Variants in INTS3 observed in about 807,000 individuals in gnomAD.
The protein encoded by INTS3 is SOSS complex subunit A.
Under a neutral mutation model 146.3 loss-of-function variants are expected in INTS3, and 34 were observed. The ratio of observed to expected loss-of-function variants is 0.23; its 90% CI spans 0.18 to 0.31. INTS3 has a LOEUF of 0.31. Ranked by LOEUF, INTS3 falls within the 10% of genes least tolerant of loss-of-function variation. The pLI, the probability that INTS3 is intolerant of heterozygous loss-of-function variation, is 1.00. For missense variants in INTS3, 757 were observed against 1,304.2 expected (o/e 0.58, Z 6.46); for synonymous variants, 475 against 494.9 (o/e 0.96, Z 0.53).
At chr1:153,730,700 C>CA (rs1671029187) in intron 1 of INTS3, among the ~76,000 whole-genome samples, 1 of 152,118 alleles carries the variant, frequency 6.6e-6, no homozygotes, top group Non-Finnish European at 1.5e-5. Context: ...AGTGAACTTC[C>CA]AACTGTTTCC....
In INTS3 at chr1:153,773,361, A is replaced by AAAC; in HGVS notation, c.*93_*95dup. 8.1e-7 allele frequency: 1 copy of AAAC among 1,230,700 alleles called. No homozygotes were observed. The highest frequency in any genetic ancestry group is 1.2e-6 in the Non-Finnish European group (1 of 833,594). The allele number at this position is 1,230,700 out of a possible 1,614,324, so 76.2% of individuals were successfully genotyped here. On this transcript the variant is annotated 3_prime_UTR_variant, in exon 30 of 30. Transcript: ENST00000318967. ...ATAGAGGCTGAGGAGATTGCAGGGG[A>AAAC]AACACCCTTGCTGCATCCCCAAGCT... is the stretch of plus-strand genomic sequence containing the variant.
At chr1:153,762,972 G>T (rs1672441070) in intron 15 of INTS3, 125 bp downstream of exon 15, 2 of 1,285,432 alleles carry the variant, frequency 1.6e-6, no homozygotes, top group East Asian at 2.3e-5. Flanking sequence ...TGTTCACAGG[G>T]TATCTGGATG....
At position 153,731,577 on chromosome 1, in the gene INTS3, C is replaced by CTTTTTT. The variant is rs1491428244; in HGVS notation, c.150+2794_150+2795insTTTTTT. Among the ~76,000 whole-genome samples, 26 of 129,256 alleles carry CTTTTTT rather than the reference C, an allele frequency of 2.0e-4. 7 individuals are homozygous for CTTTTTT. Among genetic ancestry groups the CTTTTTT allele is most frequent in the Non-Finnish European group, 2.0e-4 (12 of 61,466 alleles). The allele number at this position is 129,256 out of a possible 152,430, so 84.8% of individuals were successfully genotyped here. A position where few individuals can be genotyped will look rare whatever the true frequency, so the allele number is the denominator to read the frequency against. On this transcript the variant is annotated intron_variant, in intron 1 of 29. Coordinates refer to ENST00000318967, the MANE Select transcript of INTS3 (RefSeq NM_023015.5). ...TGAAAGTGGGAGGCCCAAGAGCGTC[C>CTTTTTT]TCTTTTTTTTTTTTTTTTTTTTTGA...
intron 1 of INTS3, among the ~76,000 whole-genome samples, chr1:153,736,796 C>T (rs1291646364): frequency 2.8e-5 from 4 of 144,822 alleles, no homozygotes; most frequent in Non-Finnish European, 6.0e-5. Flanking sequence ...CGGGGTCTCC[C>T]TCTGTCGCCC....
At position 153,772,466 on chromosome 1, in the gene INTS3, G is replaced by C. The variant is rs376277202; in HGVS notation, c.2821+26G>C. Reference sequence around the variant, plus strand: ...GTATGCCTTCCACCCTCGGCGTCCAGTGTAGACGGTGCTGCCCTGGCCCAG... The same window carrying C: ...GTATGCCTTCCACCCTCGGCGTCCACTGTAGACGGTGCTGCCCTGGCCCAG... On this transcript the variant is annotated intron_variant, in intron 27 of 29. Transcript: ENST00000318967. The surrounding 1 kb of genome is among the most constrained non-coding windows in gnomAD (Gnocchi z 4.6). The C allele has an allele frequency of 1.2e-4, 196 of 1,614,046 alleles. No homozygotes were observed. Among genetic ancestry groups the C allele is most frequent in the Non-Finnish European group, 1.5e-4 (181 of 1,180,028 alleles).
intron 6 of INTS3, chr1:153,750,789 G>T: frequency 2.6e-6 from 1 of 388,480 alleles, no homozygotes; most frequent in Non-Finnish European, 4.6e-6. Context: ...TTGAATGAAT[G>T]AGTCAACAAA....
At chr1:153,735,510 C>T (rs1266401776) in intron 1 of INTS3, among the ~76,000 whole-genome samples, 1 of 152,088 alleles carries the variant, frequency 6.6e-6, no homozygotes, top group Non-Finnish European at 1.5e-5. Context: ...CTTGCCTTTC[C>T]TCTCCATTGA....
At chr1:153,765,116 T>A (rs1330858303) in intron 20 of INTS3, 53 bp downstream of exon 20, 11 of 1,601,638 alleles carry the variant, frequency 6.9e-6, no homozygotes, top group Non-Finnish European at 8.5e-6. Flanking sequence ...CTGGAGAGCC[T>A]CTCTTCCACA....
rs1425899440 is a variant in INTS3, at chr1:153,772,172, C to G, written c.2721-168C>G. On this transcript the variant is annotated intron_variant, in intron 26 of 29. Transcript: ENST00000318967. This position sits in a 1 kb window ranked among gnomAD's most constrained non-coding sequence, Gnocchi z 4.6. ...CTTCCAGTGCCCCTGTGGCCAGGAT[C>G]CCCTGTTCTAGGCACACCTTTCTCA... Among the ~76,000 whole-genome samples the G allele has an allele frequency of 6.6e-6, 1 of 152,148 alleles. No homozygotes were observed. The highest frequency in any genetic ancestry group is 1.5e-5 in the Non-Finnish European group (1 of 68,022).
rs1465039875 is a variant in INTS3 at position 153,764,960 on chromosome 1, C to G, written c.1987C>G (p.Gln663Glu). 2 of 1,614,012 alleles carry G rather than the reference C, an allele frequency of 1.2e-6. No homozygotes were observed. Among genetic ancestry groups the G allele is most frequent in the African/African-American group, 2.7e-5 (2 of 74,914 alleles). ...YLIFRNLCQM[Q>E]EDNSSFSLLL... ...CACCTCCAGGAACCTATGTCAGATG[C>G]AGGAAGACAACAGCAGCTTCTCTCT... Residue 663 changes from glutamine to glutamate, a missense_variant, in exon 20 of 30, where the codon CAG (glutamine) becomes GAG (glutamate). By Grantham distance (29) the Gln-to-Glu change is conservative. This residue lies in a region of INTS3 where 89 missense variants were observed against 210.9 expected (regional missense o/e 0.42). Coordinates refer to ENST00000318967, the MANE Select transcript of INTS3 (RefSeq NM_023015.5).
Position 153,728,800 on chromosome 1 carries a change from G to A in INTS3, c.150+16G>A. Reference sequence around the variant, plus strand: ...GTTAGAGGAGGTAGGTGTGGGGGGAGGGAAGGGAGTTAAGAAATTGGGTTT... The same window carrying A: ...GTTAGAGGAGGTAGGTGTGGGGGGAAGGAAGGGAGTTAAGAAATTGGGTTT... On this transcript the variant is annotated intron_variant, in intron 1 of 29. Coordinates refer to ENST00000318967, the MANE Select transcript of INTS3 (RefSeq NM_023015.5). 28 of 1,531,434 alleles carry A rather than the reference G, an allele frequency of 1.8e-5. No individual in the cohort carries two copies. The highest frequency in any genetic ancestry group is 2.5e-5 in the Non-Finnish European group (28 of 1,131,464). The allele number at this position is 1,531,434 out of a possible 1,614,324, so 94.9% of individuals were successfully genotyped here. A position where few individuals can be genotyped will look rare whatever the true frequency, so the allele number is the denominator to read the frequency against.
At chr1:153,760,469 G>A (rs540917700) in intron 12 of INTS3, 79 bp downstream of exon 12, 43 of 1,204,380 alleles carry the variant, frequency 3.6e-5, no homozygotes, top group South Asian at 6.2e-5. Flanking sequence ...CCCAGTGAAC[G>A]GGTCTTCTCG....
At chr1:153,762,943 T>C in intron 15 of INTS3, 96 bp downstream of exon 15, 1 of 1,479,852 alleles carries the variant, frequency 6.8e-7, no homozygotes, top group African/African-American at 1.4e-5. Context: ...GTCACCCTTA[T>C]TCCTGTGAGT....
chr1:153,771,401 C>T (rs1175888289), intron 25 of INTS3, among the ~76,000 whole-genome samples: 1 of 152,224 alleles, frequency 6.6e-6, no homozygotes, highest in Non-Finnish European at 1.5e-5. Flanking sequence ...TCACAACCCT[C>T]TCCTGCCCCC....
intron 24 of INTS3, 51 bp from the exon 25 acceptor site, chr1:153,770,634 C>T (rs758300115): frequency 7.2e-5 from 108 of 1,509,024 alleles, no homozygotes; most frequent in Non-Finnish European, 9.8e-5. Flanking sequence ...CCCCAGATTC[C>T]ATCCTGGAAT....
chr1:153,736,920 T>A (rs1195525733), intron 1 of INTS3, among the ~76,000 whole-genome samples: 1 of 151,844 alleles, frequency 6.6e-6, no homozygotes, highest in Non-Finnish European at 1.5e-5. Flanking sequence ...CCTGCCACCA[T>A]GCCCGGCTAA....
intron 23 of INTS3, 37 bp downstream of exon 23, chr1:153,769,881 A>G (rs571981557): frequency 1.1e-5 from 16 of 1,399,052 alleles, no homozygotes; most frequent in Admixed American, 1.7e-5. Flanking sequence ...GGGAGAGGAG[A>G]GGAGGGCAGG....
Position 153,760,839 on chromosome 1 carries a change from T to C in INTS3, c.1330T>C (p.Phe444Leu). 6.2e-7 allele frequency: 1 copy of C among 1,613,918 alleles called. No homozygotes were observed. The highest frequency in any genetic ancestry group is 1.1e-5 in the South Asian group (1 of 91,076). The change falls in exon 13 of 30, where the codon TTC (phenylalanine) becomes CTC (leucine). Residue 444 changes from phenylalanine to leucine, a missense_variant. By Grantham distance (22) the Phe-to-Leu change is conservative (BLOSUM62 0). Transcript: ENST00000318967. ...TCTTCGCTTCCAGATCATTCCCAAC[T>C]TCTATCCACCATTGGAGGGCCACGT... ...LDFMCRIIPN[F>L]YPPLEGHVRQ... is the part of the protein sequence containing the mutation.
In INTS3 at chr1:153,757,875, C is replaced by A; in HGVS notation, c.1149+112C>A. On this transcript the variant is annotated intron_variant, in intron 10 of 29. Coordinates refer to ENST00000318967, the MANE Select transcript of INTS3 (RefSeq NM_023015.5). This position sits in a 1 kb window ranked among gnomAD's most constrained non-coding sequence, Gnocchi z 4.0. ...TTGACCCCTAAGGGCCCTTCTTTCACTCTGGTCTTCCAGAGTGTCTCAGCC... is the reference window on the plus strand; with the variant it reads ...TTGACCCCTAAGGGCCCTTCTTTCAATCTGGTCTTCCAGAGTGTCTCAGCC... 1 of 773,144 alleles carries A rather than the reference C, an allele frequency of 1.3e-6. No homozygotes were observed. The highest frequency in any genetic ancestry group is 2.1e-6 in the Non-Finnish European group (1 of 469,816). 47.9% of individuals were successfully genotyped at this position (773,144 alleles called of 1,614,324 possible). A position where few individuals can be genotyped will look rare whatever the true frequency, so the allele number is the denominator to read the frequency against.
Sources: gnomAD v4.1 joint callset for allele counts (sites outside exome capture counted in the v4.1 genomes callset) on GRCh38, gnomAD v4.1.1 for gene constraint, gnomAD v4.1.1 regional missense constraint, Gnocchi (gnomAD v3.1) non-coding constraint, MANE v1.5 for transcripts, NCBI Gene and HGNC (gene_info 2026-07-23, HGNC 2026-07-21) for gene names.